Variants in PRUNE2 observed in about 807,000 individuals in gnomAD.
PRUNE2 encodes prune homolog 2 with BCH domain.
A neutral mutation model predicts 252.0 loss-of-function variants in PRUNE2; 164 were observed. That is an observed-to-expected ratio of 0.65 (90% CI 0.57 to 0.74). The LOEUF (loss-of-function observed/expected upper bound fraction) is 0.74. Ranked by LOEUF, PRUNE2 falls within the 30% of genes least tolerant of loss-of-function variation. PRUNE2 has a pLI of 0.00. For synonymous variants in PRUNE2, 1,292 were observed against 1,350.2 expected (o/e 0.96, Z 0.94); for missense variants, 3,495 against 3,711.0 (o/e 0.94, Z 1.51).
At position 76,826,567 on chromosome 9, in the gene PRUNE2, C is replaced by T. The variant is rs1316018465; in HGVS notation, c.661+13G>A. On this transcript the variant is annotated intron_variant, in intron 5 of 18. Transcript: ENST00000376718. ...TCGGGAGGGACAAGAGAGCTGGGGACAGAGTCACTCACCCTGAGCACTGAA... is the reference window on the plus strand; with the variant it reads ...TCGGGAGGGACAAGAGAGCTGGGGATAGAGTCACTCACCCTGAGCACTGAA... The T allele has an allele frequency of 6.4e-7, 1 of 1,560,532 alleles. No homozygotes were observed. Among genetic ancestry groups the T allele is most frequent in the Admixed American group, 1.8e-5 (1 of 55,050 alleles).
At chr9:76,867,272 C>T (rs777906958) in intron 1 of PRUNE2, among the ~76,000 whole-genome samples, 2 of 127,606 alleles carry the variant, frequency 1.6e-5, no homozygotes, top group Admixed American at 1.0e-4. Flanking sequence ...TTATCTTATG[C>T]GGAGAGGGTA....
At chr9:76,872,910 A>G (rs1047053566) in intron 1 of PRUNE2, among the ~76,000 whole-genome samples, 5 of 152,080 alleles carry the variant, frequency 3.3e-5, no homozygotes, top group Non-Finnish European at 5.9e-5. Flanking sequence ...GGGGTCATGC[A>G]GATGTAATTA....
chr9:76,650,661 C>T (rs1272024942), intron 11 of PRUNE2, among the ~76,000 whole-genome samples: 1 of 152,130 alleles, frequency 6.6e-6, no homozygotes, highest in Non-Finnish European at 1.5e-5. Flanking sequence ...TTTAAAAATT[C>T]AACTTAGTTT....
intron 17 of PRUNE2, among the ~76,000 whole-genome samples, chr9:76,620,208 TGG>T (rs1483928086): frequency 6.6e-6 from 1 of 151,562 alleles, no homozygotes; most frequent in Non-Finnish European, 1.5e-5. Flanking sequence ...GGCACTATCT[TGG>T]CTCACTGCAA....
intron 9 of PRUNE2, among the ~76,000 whole-genome samples, chr9:76,691,291 G>C (rs2044698112): frequency 6.6e-6 from 1 of 152,184 alleles, no homozygotes; most frequent in Non-Finnish European, 1.5e-5. Context: ...CCAGTACCCT[G>C]ATCTCTGGCA....
chr9:76,828,448 G>A (rs2058471409), intron 4 of PRUNE2, among the ~76,000 whole-genome samples: 1 of 152,196 alleles, frequency 6.6e-6, no homozygotes, highest in Non-Finnish European at 1.5e-5. Flanking sequence ...GAGGGATGAG[G>A]AATCTTTCAA....
chr9:76,890,601 A>G (rs2062408567), intron 1 of PRUNE2, among the ~76,000 whole-genome samples: 1 of 152,188 alleles, frequency 6.6e-6, no homozygotes. Flanking sequence ...TGCAGATCAC[A>G]TCAGTCTCTC....
intron 4 of PRUNE2, among the ~76,000 whole-genome samples, chr9:76,839,716 G>T (rs1473541550): frequency 6.6e-6 from 1 of 152,178 alleles, no homozygotes; most frequent in African/African-American, 2.4e-5. Context: ...AGGAGATAGG[G>T]CAACAGTCAG....
intron 6 of PRUNE2, among the ~76,000 whole-genome samples, chr9:76,771,197 T>C (rs1011460281): frequency 1.3e-5 from 2 of 152,170 alleles, no homozygotes; most frequent in South Asian, 2.1e-4. Context: ...ATGTGAAAGG[T>C]TGCAATTTTG....
At chr9:76,633,043 G>A (rs963434660) in intron 15 of PRUNE2, among the ~76,000 whole-genome samples, 5 of 151,334 alleles carry the variant, frequency 3.3e-5, no homozygotes, top group African/African-American at 9.7e-5. Context: ...CCAACATGGC[G>A]AAAACCTGTC....
chr9:76,666,069 G>A (rs1433083473), intron 9 of PRUNE2, among the ~76,000 whole-genome samples: 1 of 152,188 alleles, frequency 6.6e-6, no homozygotes, highest in African/African-American at 2.4e-5. Context: ...AGTGATAGGA[G>A]CTGAGGGGAC....
chr9:76,878,105 T>C (rs2061566501), intron 1 of PRUNE2, among the ~76,000 whole-genome samples: 1 of 152,194 alleles, frequency 6.6e-6, no homozygotes, highest in Non-Finnish European at 1.5e-5. Context: ...GTCAGCACTA[T>C]GGTGAATCAG....
At position 76,853,679 on chromosome 9, in the gene PRUNE2, G is replaced by A. The variant is rs116795540; in HGVS notation, c.141+425C>T. ...CTGAAAACTCTAGCCAATGTGCTCT[G>A]CCATTTATGTACTGTTCACACAAGT... On this transcript the variant is annotated intron_variant, in intron 2 of 18. Transcript: ENST00000376718. Among the ~76,000 whole-genome samples, 1,291 of 152,286 alleles carry A rather than the reference G, an allele frequency of 8.5e-3. 24 individuals carry two copies. Among genetic ancestry groups the A allele is most frequent in the African/African-American group, 0.029 (1,208 of 41,548 alleles).
chr9:76,701,942 AATGTATAATCAGTC>A, intron 9 of PRUNE2, among the ~76,000 whole-genome samples: 1 of 152,170 alleles, frequency 6.6e-6, no homozygotes, highest in East Asian at 1.9e-4. Flanking sequence ...TTAATCCTAA[AATGTATAATCAGTC>A]ATGGTAGAGG....
At chr9:76,843,725 CTTTTTTTTTTT>C (rs71501394) in intron 4 of PRUNE2, among the ~76,000 whole-genome samples, 12,796 of 128,272 alleles carry the variant, frequency 0.1, 728 homozygotes, top group African/African-American at 0.18. Flanking sequence ...CTTGATTCCT[CTTTTTTTTTTT>C]TTTTTTTTTG....
intron 6 of PRUNE2, among the ~76,000 whole-genome samples, chr9:76,795,963 G>A (rs186038600): frequency 2.5e-4 from 38 of 152,280 alleles, no homozygotes; most frequent in African/African-American, 6.5e-4. Context: ...TAAGACTACC[G>A]TAAAACAACT....
At chr9:76,632,290 G>A (rs547209996) in intron 15 of PRUNE2, among the ~76,000 whole-genome samples, 1 of 152,292 alleles carries the variant, frequency 6.6e-6, no homozygotes, top group African/African-American at 2.4e-5. Context: ...CCCTTCAGTA[G>A]CGAGAAGACC....
chr9:76,879,903 A>ATATATATATATATATATATATTT (rs770473789), intron 1 of PRUNE2, among the ~76,000 whole-genome samples: 1 of 31,004 alleles, frequency 3.2e-5, no homozygotes, highest in African/African-American at 1.8e-4. Flanking sequence ...ATATATATAT[A>ATATATATATATATATATATATTT]TTTTTTTTTT....
At chr9:76,688,827 C>G (rs1244085267) in intron 9 of PRUNE2, among the ~76,000 whole-genome samples, 1 of 152,210 alleles carries the variant, frequency 6.6e-6, no homozygotes, top group Non-Finnish European at 1.5e-5. Flanking sequence ...TCCTTAGCTT[C>G]TCCAGCTGCT....
Sources: gnomAD v4.1 joint callset for allele counts (sites outside exome capture counted in the v4.1 genomes callset) on GRCh38, gnomAD v4.1.1 for gene constraint, MANE v1.5 for transcripts, NCBI Gene and HGNC (gene_info 2026-07-23, HGNC 2026-07-21) for gene names.